Variants in ZNF331 observed in about 807,000 individuals in gnomAD.
The protein encoded by ZNF331 is C2H2-like zinc finger protein rearranged in thyroid adenomas.
Under a neutral mutation model 7.0 loss-of-function variants are expected in ZNF331, and 2 were observed. That is an observed-to-expected ratio of 0.29 (90% CI 0.12 to 0.90). The LOEUF is 0.90. Among genes scored for constraint, ZNF331 ranks in the 40% least tolerant of loss-of-function variants. ZNF331 has a pLI of 0.58. For missense variants in ZNF331, 432 were observed against 587.7 expected (o/e 0.74, Z 2.74); for synonymous variants, 196 against 205.4 (o/e 0.95, Z 0.39).
intron 5 of ZNF331, 52 bp from the exon 6 acceptor site, chr19:53,576,645 C>T (rs961871832): frequency 8.0e-6 from 12 of 1,498,184 alleles, no homozygotes; most frequent in Admixed American, 4.4e-5. Flanking sequence ...TGGTTAGGTT[C>T]GTTTGTACTT....
At chr19:53,503,457 AT>A in the ZNF331 span, 12 of 638,200 alleles carry the variant, frequency 1.9e-5, no homozygotes, top group East Asian at 2.8e-5. Context: ...AATCCTGGGG[AT>A]TTCTCTCTTA....
intron 2 of ZNF331, among the ~76,000 whole-genome samples, chr19:53,553,668 A>T (rs1319906680): frequency 6.6e-6 from 1 of 152,210 alleles, no homozygotes; most frequent in Admixed American, 6.5e-5. Flanking sequence ...TGAGAGCGGG[A>T]CTAACTGGGC....
rs866943071 is a variant in ZNF331 at position 53,556,061 on chromosome 19, G to A, written c.-74+153G>A. Reference sequence around the variant, plus strand: ...AGATCGAGACCATCCTGGCTAACACGGTGAAACCCCGTCTCTACTAAAAAT... The same window carrying A: ...AGATCGAGACCATCCTGGCTAACACAGTGAAACCCCGTCTCTACTAAAAAT... On this transcript the variant is annotated intron_variant, in intron 3 of 5. Transcript: ENST00000449416. 4.0e-5 allele frequency among the ~76,000 whole-genome samples: 6 copies of A among 151,690 alleles called. No homozygotes were observed. The South Asian group carries it at 8.3e-4, about 21-fold the overall frequency.
At position 53,540,463 on chromosome 19, in the gene ZNF331, T is replaced by TGCTCTGTTGCCCATGCTGGA. The variant is rs1444585482; in HGVS notation, c.-138+1184_-138+1203dup. On this transcript the variant is annotated intron_variant, in intron 2 of 5. Transcript: ENST00000449416. ...TTTTTCTGTAATTGAGATGGAGGCT[T>TGCTCTGTTGCCCATGCTGGA]GCTCTGTTGCCCATGCTGGAGCGCA... Among the ~76,000 whole-genome samples, 707 of 152,216 alleles carry TGCTCTGTTGCCCATGCTGGA rather than the reference T, an allele frequency of 4.6e-3. 6 individuals carry two copies. Among genetic ancestry groups the TGCTCTGTTGCCCATGCTGGA allele is most frequent in the African/African-American group, 0.016 (670 of 41,510 alleles).
At chr19:53,520,353 T>C (rs1040850264), upstream of ZNF331, among the ~76,000 whole-genome samples, 1 of 152,146 alleles carries the variant, frequency 6.6e-6, no homozygotes, top group Non-Finnish European at 1.5e-5. Context: ...TCAGACTACA[T>C]TTCCTTCCCA....
At chr19:53,563,608 CTT>C (rs1298682182) in intron 3 of ZNF331, among the ~76,000 whole-genome samples, 5 of 151,830 alleles carry the variant, frequency 3.3e-5, no homozygotes, top group Admixed American at 6.6e-5. Context: ...AAAAAGCAGA[CTT>C]GATTATTTTA....
intron 2 of ZNF331, among the ~76,000 whole-genome samples, chr19:53,542,411 T>C (rs1369121894): frequency 6.6e-6 from 1 of 152,248 alleles, no homozygotes; most frequent in East Asian, 1.9e-4. Context: ...ACTGGGTGCC[T>C]TGCAGATACG....
At chr19:53,510,745 A>G in the ZNF331 span, among the ~76,000 whole-genome samples, 3 of 151,862 alleles carry the variant, frequency 2.0e-5, no homozygotes, top group African/African-American at 7.3e-5. Context: ...AAATTTATAA[A>G]TTAGCTTATG....
At chr19:53,569,737 T>C (rs916592956) in intron 4 of ZNF331, among the ~76,000 whole-genome samples, 2 of 152,160 alleles carry the variant, frequency 1.3e-5, no homozygotes, top group African/African-American at 4.8e-5. Flanking sequence ...CCACTGATCA[T>C]GTTTTCTGCG....
At chr19:53,508,027 T>A in the ZNF331 span, among the ~76,000 whole-genome samples, 2 of 152,210 alleles carry the variant, frequency 1.3e-5, no homozygotes, top group Non-Finnish European at 2.9e-5. Flanking sequence ...TGAGGAAGCA[T>A]ACCCTCTTTG....
At chr19:53,544,265 G>T (rs1241152095) in intron 2 of ZNF331, among the ~76,000 whole-genome samples, 2 of 148,626 alleles carry the variant, frequency 1.3e-5, no homozygotes, top group South Asian at 2.2e-4. Context: ...ATATTATTAG[G>T]CCGGGTGTGG....
intron 3 of ZNF331, among the ~76,000 whole-genome samples, chr19:53,556,685 T>A (rs1243927666): frequency 1.3e-5 from 2 of 152,102 alleles, no homozygotes; most frequent in Non-Finnish European, 2.9e-5. Flanking sequence ...TCATCAAGGC[T>A]GGAGTGCGGT....
intron 3 of ZNF331, among the ~76,000 whole-genome samples, chr19:53,561,147 C>G (rs746942340): frequency 2.0e-5 from 3 of 151,862 alleles, no homozygotes; most frequent in Non-Finnish European, 4.4e-5. Context: ...AGAGTGAGAC[C>G]CTGTCGCAAA....
At chr19:53,548,811 CTT>C (rs908515201) in intron 2 of ZNF331, among the ~76,000 whole-genome samples, 6 of 151,902 alleles carry the variant, frequency 3.9e-5, no homozygotes, top group Admixed American at 3.9e-4. Context: ...CTTTTTATGT[CTT>C]TAATCCATTT....
upstream of ZNF331, among the ~76,000 whole-genome samples, chr19:53,519,500 C>T (rs556918413): frequency 3.9e-5 from 6 of 152,326 alleles, no homozygotes; most frequent in Non-Finnish European, 7.3e-5. Context: ...AAAAACCATC[C>T]CTATCATATC....
the ZNF331 span, among the ~76,000 whole-genome samples, chr19:53,514,085 T>A: frequency 6.6e-6 from 1 of 152,226 alleles, no homozygotes. Context: ...CAGCTCCCTC[T>A]TGAACACCTG....
At chr19:53,545,443 T>C (rs980911206) in intron 2 of ZNF331, among the ~76,000 whole-genome samples, 1 of 152,142 alleles carries the variant, frequency 6.6e-6, no homozygotes. Context: ...CTGCAGAGAA[T>C]TCCAGGTGAC....
chr19:53,549,726 T>C (rs1389647485), intron 2 of ZNF331, among the ~76,000 whole-genome samples: 1 of 151,986 alleles, frequency 6.6e-6, no homozygotes, highest in African/African-American at 2.4e-5. Flanking sequence ...TTTAAAAATC[T>C]TTTCATATTG....
At chr19:53,524,077 T>C (rs2087196897) in intron 2 of ZNF331, among the ~76,000 whole-genome samples, 1 of 152,242 alleles carries the variant, frequency 6.6e-6, no homozygotes, top group Non-Finnish European at 1.5e-5. Context: ...TCCATGTCCC[T>C]GCAAAGGGCA....
Sources: gnomAD v4.1 joint callset for allele counts (sites outside exome capture counted in the v4.1 genomes callset) on GRCh38, gnomAD v4.1.1 for gene constraint, MANE v1.5 for transcripts, NCBI Gene and HGNC (gene_info 2026-07-23, HGNC 2026-07-21) for gene names.